The following HS6ST3 variants were observed in gnomAD, a reference collection of about 807,000 sequenced individuals.
The protein encoded by HS6ST3 is heparan-sulfate 6-O-sulfotransferase 3.
Under a neutral mutation model 36.7 loss-of-function variants are expected in HS6ST3, and 12 were observed. That is an observed-to-expected ratio of 0.33 (90% CI 0.21 to 0.53). The LOEUF (loss-of-function observed/expected upper bound fraction) is 0.53. Among genes scored for constraint, HS6ST3 ranks in the 20% least tolerant of loss-of-function variants. HS6ST3 has a pLI of 0.95. For missense variants in HS6ST3, 584 were observed against 640.9 expected, an observed-to-expected ratio of 0.91 and a Z score of 0.96; for synonymous variants, 240 against 257.5, an observed-to-expected ratio of 0.93 and a Z score of 0.65.
chr13:96,095,809 G>A (rs999802922), intron 1 of HS6ST3, among the ~76,000 whole-genome samples: 4 of 151,934 alleles, frequency 2.6e-5, no homozygotes, highest in African/African-American at 9.7e-5. Context: ...TGTGTCCAGA[G>A]AGAGAGATAA....
intron 1 of HS6ST3, among the ~76,000 whole-genome samples, chr13:96,706,879 G>A (rs1350714487): frequency 6.6e-6 from 1 of 152,034 alleles, no homozygotes; most frequent in Non-Finnish European, 1.5e-5. Context: ...TTAAGCATGG[G>A]GAGAGGTTGA....
intron 1 of HS6ST3, among the ~76,000 whole-genome samples, chr13:96,700,516 G>A (rs1025888171): frequency 3.3e-5 from 5 of 152,244 alleles, no homozygotes; most frequent in South Asian, 2.1e-4. Context: ...TTGTAGTTAT[G>A]TCAAAAACTT....
At chr13:96,726,844 A>T (rs1014357079) in intron 1 of HS6ST3, among the ~76,000 whole-genome samples, 6 of 151,586 alleles carry the variant, frequency 4.0e-5, no homozygotes, top group African/African-American at 1.5e-4. Flanking sequence ...ATCTGCTGTT[A>T]TCCTTCTCTT....
chr13:96,473,299 G>A (rs903040581), intron 1 of HS6ST3, among the ~76,000 whole-genome samples: 4 of 152,204 alleles, frequency 2.6e-5, no homozygotes, highest in African/African-American at 9.6e-5. Context: ...GATGAGTGTA[G>A]CCACGACTGA....
chr13:96,368,563 A>G lies in HS6ST3; in HGVS notation c.707+276994A>G, dbSNP rs547547069. Among the ~76,000 whole-genome samples, 402 of 152,160 alleles carry G rather than the reference A, an allele frequency of 2.6e-3. 1 individual carries two copies. Among genetic ancestry groups the G allele is most frequent in the Non-Finnish European group, 4.5e-3 (303 of 68,000 alleles). On this transcript the variant is annotated intron_variant, in intron 1 of 1. Coordinates refer to ENST00000376705, the MANE Select transcript of HS6ST3 (RefSeq NM_153456.4). ...CATTTTGAATTACATGGTATAATTCAGTATCTACAGCATAATTCTTCATTT... is the reference window on the plus strand; with the variant it reads ...CATTTTGAATTACATGGTATAATTCGGTATCTACAGCATAATTCTTCATTT...
Position 96,159,273 on chromosome 13 carries a change from C to T in HS6ST3, c.707+67704C>T, listed in dbSNP as rs9525137. 7.4e-3 allele frequency among the ~76,000 whole-genome samples: 1,119 copies of T among 152,228 alleles called. 7 individuals are homozygous for T. The highest frequency in any genetic ancestry group is 0.011 in the Non-Finnish European group (749 of 67,996). On this transcript the variant is annotated intron_variant, in intron 1 of 1. Coordinates refer to ENST00000376705, the MANE Select transcript of HS6ST3 (RefSeq NM_153456.4). The stretch of plus-strand genomic sequence containing the variant: ...AAAGGAGGAGAGTGAATTGCAGGTA[C>T]GCCCTCGTTTTCAACTCTTGCCTGA...
intron 1 of HS6ST3, among the ~76,000 whole-genome samples, chr13:96,279,373 C>G (rs2054763790): frequency 1.3e-5 from 2 of 152,040 alleles, no homozygotes; most frequent in African/African-American, 4.8e-5. Context: ...TTTTGGTAAA[C>G]AAGGTATATA....
At chr13:96,744,192 A>AT (rs1222507904) in intron 1 of HS6ST3, among the ~76,000 whole-genome samples, 2 of 151,658 alleles carry the variant, frequency 1.3e-5, no homozygotes, top group South Asian at 2.1e-4. Flanking sequence ...TCTTATTTTA[A>AT]TTTTTTTTCT....
chr13:96,580,272 A>G (rs1202226380), intron 1 of HS6ST3, among the ~76,000 whole-genome samples: 1 of 150,654 alleles, frequency 6.6e-6, no homozygotes, highest in African/African-American at 2.4e-5. Flanking sequence ...TTCACATAGC[A>G]TATTAACATG....
At chr13:96,422,004 T>G (rs116770118) in intron 1 of HS6ST3, among the ~76,000 whole-genome samples, 1,730 of 152,348 alleles carry the variant, frequency 0.011, 37 homozygotes, top group African/African-American at 0.039. Context: ...GAAATAATTA[T>G]CACCTCCTTC....
At chr13:96,378,418 C>T (rs967223493) in intron 1 of HS6ST3, among the ~76,000 whole-genome samples, 3 of 152,162 alleles carry the variant, frequency 2.0e-5, no homozygotes, top group Non-Finnish European at 2.9e-5. Flanking sequence ...CTTAGAAGAA[C>T]TCTTCGTGCA....
chr13:96,505,604 C>T (rs1015351036), intron 1 of HS6ST3, among the ~76,000 whole-genome samples: 1 of 152,124 alleles, frequency 6.6e-6, no homozygotes, highest in Non-Finnish European at 1.5e-5. Context: ...AACACATTTG[C>T]AGGAATTATT....
intron 1 of HS6ST3, among the ~76,000 whole-genome samples, chr13:96,254,069 T>G (rs537338536): frequency 6.6e-6 from 1 of 152,172 alleles, no homozygotes; most frequent in Non-Finnish European, 1.5e-5. Context: ...ATTTTCTGAA[T>G]GTGTATAGGT....
At chr13:96,583,178 T>C (rs957578089) in intron 1 of HS6ST3, among the ~76,000 whole-genome samples, 1 of 150,630 alleles carries the variant, frequency 6.6e-6, no homozygotes, top group African/African-American at 2.4e-5. Flanking sequence ...TAAAACGTTT[T>C]AATGGCTTCA....
intron 1 of HS6ST3, among the ~76,000 whole-genome samples, chr13:96,658,265 C>CTTTTTTTTTTTTTTTTTTT (rs1594829381): frequency 1.5e-5 from 1 of 67,288 alleles, no homozygotes; most frequent in East Asian, 6.1e-4. Context: ...TTCTCTTCTT[C>CTTTTTTTTTTTTTTTTTTT]TTCTTTTTTT....
chr13:96,183,616 C>A (rs114034124), intron 1 of HS6ST3, among the ~76,000 whole-genome samples: 1,639 of 152,254 alleles, frequency 0.011, 33 homozygotes, highest in African/African-American at 0.038. Context: ...AAGTTCTTAC[C>A]TGTGCTACAG....
At chr13:96,711,357 G>C (rs561741212) in intron 1 of HS6ST3, among the ~76,000 whole-genome samples, 111 of 152,220 alleles carry the variant, frequency 7.3e-4, no homozygotes, top group Non-Finnish European at 1.3e-3. Flanking sequence ...GATATGTAAC[G>C]TATAACTTCC....
chr13:96,683,937 A>G (rs1246681574), intron 1 of HS6ST3, among the ~76,000 whole-genome samples: 1 of 152,102 alleles, frequency 6.6e-6, no homozygotes, highest in Non-Finnish European at 1.5e-5. Flanking sequence ...ATTACTCTGC[A>G]TACTTTTCTA....
At chr13:96,509,246 G>T (rs1009334476) in intron 1 of HS6ST3, among the ~76,000 whole-genome samples, 1 of 152,008 alleles carries the variant, frequency 6.6e-6, no homozygotes, top group African/African-American at 2.4e-5. Context: ...GTAGATTCTG[G>T]ATACTAGTCC....
Sources: allele counts gnomAD v4.1 joint callset (sites outside exome capture counted in the v4.1 genomes callset), GRCh38; gene constraint gnomAD v4.1.1; transcripts MANE v1.5; gene names NCBI Gene and HGNC (gene_info 2026-07-23, HGNC 2026-07-21).